ZFPM2: variants seen among roughly 807,000 people sequenced by gnomAD.
The protein encoded by ZFPM2 is zinc finger protein ZFPM2.
A neutral mutation model predicts 98.6 loss-of-function variants in ZFPM2; 20 were observed. That is an observed-to-expected ratio of 0.20 (90% CI 0.14 to 0.29). The LOEUF (loss-of-function observed/expected upper bound fraction) is 0.29, where lower values mean the gene tolerates loss of function less well. Ranked by LOEUF, ZFPM2 falls within the 10% of genes least tolerant of loss-of-function variation. The pLI is 1.00. For missense variants in ZFPM2, 1,310 were observed against 1,388.6 expected, an observed-to-expected ratio of 0.94 and a Z score of 0.90; for synonymous variants, 518 against 502.7, an observed-to-expected ratio of 1.03 and a Z score of -0.41.
intron 4 of ZFPM2, among the ~76,000 whole-genome samples, chr8:105,583,490 T>C (rs1345502272): frequency 6.6e-6 from 1 of 152,208 alleles, no homozygotes; most frequent in African/African-American, 2.4e-5. Context: ...TGGGGTTATC[T>C]TTTTTCGGTT....
chr8:105,717,400 C>G (rs1811549184), intron 5 of ZFPM2, among the ~76,000 whole-genome samples: 1 of 151,988 alleles, frequency 6.6e-6, no homozygotes, highest in African/African-American at 2.4e-5. Context: ...TCTGCAAGAC[C>G]TAGTATTTAC....
chr8:105,353,675 G>T (rs1812690049), intron 1 of ZFPM2, among the ~76,000 whole-genome samples: 1 of 152,106 alleles, frequency 6.6e-6, no homozygotes, highest in African/African-American at 2.4e-5. Context: ...CTGGATAGAA[G>T]CAGAAATATA....
At chr8:105,633,213 G>C (rs574532421) in intron 4 of ZFPM2, among the ~76,000 whole-genome samples, 71 of 152,324 alleles carry the variant, frequency 4.7e-4, no homozygotes, top group African/African-American at 1.7e-3. Flanking sequence ...CATGCATCAT[G>C]TGGAAAAGTC....
At chr8:105,660,886 G>C (rs1359356152) in intron 5 of ZFPM2, among the ~76,000 whole-genome samples, 1 of 152,104 alleles carries the variant, frequency 6.6e-6, no homozygotes, top group Non-Finnish European at 1.5e-5. Context: ...TCATATTGCA[G>C]ACACAAAATA....
Position 105,463,114 on chromosome 8 carries a change from A to G in ZFPM2, c.301+18733A>G, listed in dbSNP as rs550722875. 2.0e-5 allele frequency among the ~76,000 whole-genome samples: 3 copies of G among 152,204 alleles called. No individual in the cohort carries two copies. The East Asian group carries it at 5.8e-4, about 29-fold the overall frequency. ...CAAGAATAATATAATTGCATGGGTA[A>G]CTAAACCATAGAGTCCAAGATAGTT... On this transcript the variant is annotated intron_variant, in intron 3 of 7. Transcript: ENST00000407775.
chr8:105,588,262 G>A (rs1815767826), intron 4 of ZFPM2, among the ~76,000 whole-genome samples: 1 of 152,216 alleles, frequency 6.6e-6, no homozygotes, highest in African/African-American at 2.4e-5. Flanking sequence ...ATTCTCTTGA[G>A]ATAGGCAACT....
At chr8:105,354,999 C>T (rs1812714384) in intron 1 of ZFPM2, among the ~76,000 whole-genome samples, 1 of 152,036 alleles carries the variant, frequency 6.6e-6, no homozygotes, top group South Asian at 2.1e-4. Flanking sequence ...AACAAAAAAT[C>T]AAATGTTCTA....
chr8:105,749,610 T>G (rs1357740203), intron 5 of ZFPM2, among the ~76,000 whole-genome samples: 2 of 152,002 alleles, frequency 1.3e-5, no homozygotes, highest in African/African-American at 2.4e-5. Flanking sequence ...AGCTGTCCTC[T>G]CCCTACAACT....
At chr8:105,704,927 G>T (rs551404376) in intron 5 of ZFPM2, among the ~76,000 whole-genome samples, 1 of 152,138 alleles carries the variant, frequency 6.6e-6, no homozygotes, top group African/African-American at 2.4e-5. Context: ...AGTTAGTCTC[G>T]TCTTAGGGAT....
rs1371936815 is a variant in ZFPM2 at position 105,406,593 on chromosome 8, G to T, written c.41-12551G>T. Among the ~76,000 whole-genome samples, 25 of 151,932 alleles carry T rather than the reference G, an allele frequency of 1.6e-4. No individual in the cohort carries two copies. The Admixed American group carries it at 1.6e-3, about 10-fold the overall frequency. ...TGAAGGAGGGTCATAACTCAGATCT[G>T]CTTCACTTGACCCTTCTCAGGTTTA... is the stretch of plus-strand genomic sequence containing the variant. On this transcript the variant is annotated intron_variant, in intron 1 of 7. Transcript: ENST00000407775.
At chr8:105,706,860 G>A (rs1457027460) in intron 5 of ZFPM2, among the ~76,000 whole-genome samples, 6 of 152,228 alleles carry the variant, frequency 3.9e-5, no homozygotes, top group South Asian at 4.1e-4. Flanking sequence ...GATTACAGGC[G>A]TGAACCACCA....
At chr8:105,718,231 T>C (rs1811570253) in intron 5 of ZFPM2, among the ~76,000 whole-genome samples, 1 of 151,854 alleles carries the variant, frequency 6.6e-6, no homozygotes, top group Non-Finnish European at 1.5e-5. Context: ...CTCTGGCTCT[T>C]ATATCAAATG....
At chr8:105,592,065 G>GA (rs148001292) in intron 4 of ZFPM2, among the ~76,000 whole-genome samples, 15,015 of 152,078 alleles carry the variant, frequency 0.099, 1,013 homozygotes, top group Middle Eastern at 0.21. Context: ...AAAACCCTCT[G>GA]AAAAATGGTT....
At chr8:105,326,486 A>G (rs912353026) in intron 1 of ZFPM2, among the ~76,000 whole-genome samples, 2 of 151,744 alleles carry the variant, frequency 1.3e-5, no homozygotes, top group African/African-American at 4.8e-5. Context: ...GACTTAAAAA[A>G]ATGAATATTC....
chr8:105,612,870 T>C (rs756118096), intron 4 of ZFPM2, among the ~76,000 whole-genome samples: 16 of 152,210 alleles, frequency 1.1e-4, no homozygotes, highest in Non-Finnish European at 4.4e-5. Context: ...ATTTTGGTTT[T>C]ACTAGGGAAA....
intron 5 of ZFPM2, chr8:105,787,541 CTGT>C (rs1051930677): frequency 1.4e-4 from 21 of 152,136 alleles, no homozygotes; most frequent in Non-Finnish European, 2.5e-4. Context: ...ATATCATATA[CTGT>C]TGTTATCTTT....
At chr8:105,461,406 C>A (rs1427386088) in intron 3 of ZFPM2, among the ~76,000 whole-genome samples, 1 of 152,020 alleles carries the variant, frequency 6.6e-6, no homozygotes, top group Non-Finnish European at 1.5e-5. Context: ...TCCTGATTTC[C>A]TTTGGGCTTT....
intron 3 of ZFPM2, among the ~76,000 whole-genome samples, chr8:105,450,216 A>T (rs1812458272): frequency 1.3e-5 from 2 of 152,226 alleles, no homozygotes; most frequent in South Asian, 2.1e-4. Context: ...AACTAGTAAG[A>T]TGATCACTTT....
At chr8:105,634,139 T>G in intron 4 of ZFPM2, 107 bp from the exon 5 acceptor site, 1 of 810,778 alleles carries the variant, frequency 1.2e-6, no homozygotes, top group East Asian at 2.7e-5. Flanking sequence ...GGATTATGGT[T>G]TGGGAGATTT....
Sources: allele counts gnomAD v4.1 joint callset (sites outside exome capture counted in the v4.1 genomes callset), GRCh38; gene constraint gnomAD v4.1.1; transcripts MANE v1.5; gene names NCBI Gene and HGNC (gene_info 2026-07-23, HGNC 2026-07-21).